BANK1: variants seen among roughly 807,000 people sequenced by gnomAD.
BANK1 encodes the protein B cell scaffold protein with ankyrin repeats 1, also known as B-cell scaffold protein with ankyrin repeats.
In BANK1, 95 loss-of-function variants were observed where a neutral mutation model predicts 94.5. That is an observed-to-expected ratio of 1.00 (90% CI 0.85 to 1.19). The LOEUF (loss-of-function observed/expected upper bound fraction) is 1.19. Among genes scored for constraint, BANK1 ranks in the 50% most tolerant of loss-of-function variants. The pLI, the probability that BANK1 is intolerant of heterozygous loss-of-function variation, is 0.00. For synonymous variants in BANK1, 334 were observed against 308.4 expected, an observed-to-expected ratio of 1.08 and a Z score of -0.87; for missense variants, 987 against 932.2, an observed-to-expected ratio of 1.06 and a Z score of -0.77.
In BANK1 at chr4:101,842,312, C is replaced by T. The variant is rs79637226; in HGVS notation, c.469+12106C>T. Among the ~76,000 whole-genome samples, 739 of 152,266 alleles carry T rather than the reference C, an allele frequency of 4.9e-3. 9 individuals are homozygous for T. Among genetic ancestry groups the T allele is most frequent in the African/African-American group, 0.017 (716 of 41,564 alleles). On this transcript the variant is annotated intron_variant, in intron 2 of 16. Transcript: ENST00000322953. ...TGATTTCTCTTCCATTATTTGTTCA[C>T]GATTGATCAATTCCTTTATTCCTTC... is the stretch of plus-strand genomic sequence containing the variant.
At chr4:101,931,624 C>A (rs1723345586) in intron 7 of BANK1, among the ~76,000 whole-genome samples, 1 of 151,516 alleles carries the variant, frequency 6.6e-6, no homozygotes, top group African/African-American at 2.4e-5. Flanking sequence ...AACATATGTA[C>A]ATCCTATTGG....
rs1460028488 is a variant in BANK1, at chr4:101,912,495, A to T, written c.1010-5498A>T. Among the ~76,000 whole-genome samples, 6 of 151,660 alleles carry T rather than the reference A, an allele frequency of 4.0e-5. No homozygotes were observed. The East Asian group carries it at 9.7e-4, about 24-fold the overall frequency. Reference sequence around the variant, plus strand: ...AGAGAAACCAATAAAATGTGTGTGTATATGTGTGTTGAAAGATAGATAGAG... The same window carrying T: ...AGAGAAACCAATAAAATGTGTGTGTTTATGTGTGTTGAAAGATAGATAGAG... On this transcript the variant is annotated intron_variant, in intron 6 of 16. Coordinates refer to ENST00000322953, the MANE Select transcript of BANK1 (RefSeq NM_017935.5).
chr4:102,060,461 T>C (rs535995773), intron 12 of BANK1, 72 bp downstream of exon 12: 1 of 1,481,260 alleles, frequency 6.8e-7, no homozygotes, highest in Non-Finnish European at 9.1e-7. Context: ...TGTTTAATTT[T>C]CATGAGGAAT....
chr4:102,058,593 C>T (rs955251819), intron 11 of BANK1, among the ~76,000 whole-genome samples: 3 of 151,680 alleles, frequency 2.0e-5, no homozygotes, highest in Admixed American at 2.0e-4. Context: ...TTTGGTTTGA[C>T]TTGTATACCC....
intron 7 of BANK1, among the ~76,000 whole-genome samples, chr4:101,978,015 G>A (rs1725193971): frequency 6.6e-6 from 1 of 151,874 alleles, no homozygotes; most frequent in Admixed American, 6.6e-5. Context: ...CCAGGCTGGA[G>A]TGCAATGGTG....
intron 7 of BANK1, among the ~76,000 whole-genome samples, chr4:101,986,879 G>GTGTATA (rs1725514670): frequency 2.0e-5 from 1 of 50,662 alleles, no homozygotes; most frequent in African/African-American, 9.5e-5. Context: ...GTGTATGTGT[G>GTGTATA]TGTGTGTGTG....
intron 7 of BANK1, among the ~76,000 whole-genome samples, chr4:101,930,589 A>G (rs1310290804): frequency 6.6e-6 from 1 of 151,516 alleles, no homozygotes; most frequent in African/African-American, 2.4e-5. Flanking sequence ...AAATCCAAAA[A>G]CAATAAAATT....
At chr4:101,904,931 C>A (rs550122937) in intron 6 of BANK1, among the ~76,000 whole-genome samples, 10 of 152,314 alleles carry the variant, frequency 6.6e-5, no homozygotes, top group African/African-American at 2.4e-4. Flanking sequence ...CTTTAAATTT[C>A]TTTCCCTGAA....
intron 7 of BANK1, among the ~76,000 whole-genome samples, chr4:101,932,353 G>A (rs186847319): frequency 1.0e-3 from 153 of 151,650 alleles, no homozygotes; most frequent in African/African-American, 3.6e-3. Context: ...GCCTATATAT[G>A]TTTGTGTATG....
At chr4:101,821,128 T>C (rs1726129879) in intron 1 of BANK1, among the ~76,000 whole-genome samples, 1 of 152,234 alleles carries the variant, frequency 6.6e-6, no homozygotes. Context: ...TTTTGACTTT[T>C]TATTAATAGC....
chr4:101,962,439 T>C (rs1368148325), intron 7 of BANK1, among the ~76,000 whole-genome samples: 1 of 152,154 alleles, frequency 6.6e-6, no homozygotes, highest in Non-Finnish European at 1.5e-5. Context: ...CTCTCATCTT[T>C]ATGTAGATGA....
intron 7 of BANK1, among the ~76,000 whole-genome samples, chr4:101,949,784 A>G (rs1181205599): frequency 6.6e-6 from 1 of 152,164 alleles, no homozygotes; most frequent in African/African-American, 2.4e-5. Flanking sequence ...AATGTTCATC[A>G]GAGTGCCTCT....
At chr4:101,842,784 G>A (rs1727102296) in intron 2 of BANK1, among the ~76,000 whole-genome samples, 1 of 152,194 alleles carries the variant, frequency 6.6e-6, no homozygotes, top group Non-Finnish European at 1.5e-5. Flanking sequence ...GCTGTCACAG[G>A]TGGTGAATTT....
At chr4:101,896,510 C>A (rs1266620681) in intron 6 of BANK1, among the ~76,000 whole-genome samples, 3 of 151,922 alleles carry the variant, frequency 2.0e-5, no homozygotes, top group African/African-American at 7.2e-5. Context: ...GGTGAGGTTC[C>A]GTTAGGAAGA....
intron 1 of BANK1, among the ~76,000 whole-genome samples, chr4:101,819,675 A>G (rs1726063568): frequency 6.6e-6 from 1 of 152,182 alleles, no homozygotes; most frequent in Non-Finnish European, 1.5e-5. Flanking sequence ...CTCAGACTTC[A>G]TTATTCTCCA....
intron 2 of BANK1, among the ~76,000 whole-genome samples, chr4:101,831,565 C>T (rs567624029): frequency 6.6e-6 from 1 of 152,254 alleles, no homozygotes; most frequent in African/African-American, 2.4e-5. Flanking sequence ...ACCTCTGCCT[C>T]CCAGGCTAAA....
At chr4:101,993,427 A>G (rs1437877900) in intron 7 of BANK1, among the ~76,000 whole-genome samples, 3 of 152,200 alleles carry the variant, frequency 2.0e-5, no homozygotes, top group African/African-American at 2.4e-5. Flanking sequence ...GCTTTGTTAC[A>G]GAAAGCAACA....
chr4:102,047,105 C>A (rs565261080), intron 11 of BANK1, among the ~76,000 whole-genome samples: 190 of 152,224 alleles, frequency 1.2e-3, no homozygotes, highest in Admixed American at 2.4e-3. Context: ...TGGATTGCAC[C>A]AAATTCTAAC....
chr4:101,858,667 G>A (rs1482031742), intron 3 of BANK1, among the ~76,000 whole-genome samples: 1 of 151,978 alleles, frequency 6.6e-6, no homozygotes, highest in Non-Finnish European at 1.5e-5. Context: ...TTAAGATAGA[G>A]ACATTTGAAA....
Sources: allele counts gnomAD v4.1 joint callset (sites outside exome capture counted in the v4.1 genomes callset), GRCh38; gene constraint gnomAD v4.1.1; transcripts MANE v1.5; gene names NCBI Gene and HGNC (gene_info 2026-07-23, HGNC 2026-07-21).